Variants in SUPT20HL2 observed in about 807,000 individuals in gnomAD.
SUPT20HL2 encodes the protein SUPT20H like 2.
For missense variants in SUPT20HL2, 288 were observed against 127.4 expected (o/e 2.26, Z -6.07); for synonymous variants, 125 against 51.6 (o/e 2.42, Z -6.10).
In SUPT20HL2 at chrX:24,311,577, C is replaced by A; in HGVS notation, c.1739G>T (p.Gly580Val). The change falls in exon 1 of 1, where the codon GGC becomes GTC. Residue 580 changes from glycine to valine, a missense_variant. Physicochemically the swap from Gly to Val is moderately radical, Grantham distance 109. Transcript: ENST00000486479. ...CAAAACCTGGGCTCCCCGGACTGGGCCCTCCACGTTGGTGGCCTTTAGGCC... is the reference window on the plus strand; with the variant it reads ...CAAAACCTGGGCTCCCCGGACTGGGACCTCCACGTTGGTGGCCTTTAGGCC... ...STGLKATNVE[G>V]PVRGAQVLGC... 2.6e-6 allele frequency: 1 copy of A among 385,928 alleles called. No individual in the cohort carries two copies. Among genetic ancestry groups the A allele is most frequent in the Non-Finnish European group, 5.2e-6 (1 of 192,053 alleles). 31.8% of individuals were successfully genotyped at this position (385,928 alleles called of 1,213,427 possible).
Position 24,309,734 on chromosome X carries a change from T to TAAAAAAAAAAAAAAAAAAA in SUPT20HL2, c.*1127_*1128insTTTTTTTTTTTTTTTTTTT, listed in dbSNP as rs1429702092. 1.3e-4 allele frequency among the ~76,000 whole-genome samples: 2 copies of TAAAAAAAAAAAAAAAAAAA among 15,702 alleles called. No individual in the cohort carries two copies. The highest frequency in any genetic ancestry group is 1.9e-4 in the Non-Finnish European group (2 of 10,388). 13.6% of individuals were successfully genotyped at this position (15,702 alleles called of 115,157 possible). On this transcript the variant is annotated 3_prime_UTR_variant, in exon 1 of 1. Transcript: ENST00000486479. ...AAAAAAAAGAAAAAAATAATAAAAA[T>TAAAAAAAAAAAAAAAAAAA]AAAAAAAAAAAGAAAAAAAAAAAAA...
Position 24,311,224 on chromosome X carries a change from T to A in SUPT20HL2, c.2092A>T (p.Thr698Ser), listed in dbSNP as rs777976057. ...TGAGCAGGGAAGGCCTGCCCTTGCG[T>A]GCTCAAACCTAGTGTGGAACCCTGT... ...GPQGSTLGLS[T>S]QGQAFPAQQL... The change falls in exon 1 of 1, where the codon ACG (threonine) becomes TCG (serine). Residue 698 changes from threonine to serine, a missense_variant. Coordinates refer to ENST00000486479, the MANE Select transcript of SUPT20HL2 (RefSeq NM_001136233.3). 4 of 385,330 alleles carry A rather than the reference T, an allele frequency of 1.0e-5. No individual in the cohort carries two copies. The highest frequency in any genetic ancestry group is 2.1e-5 in the Non-Finnish European group (4 of 192,360). 31.8% of individuals were successfully genotyped at this position (385,330 alleles called of 1,213,427 possible). A position where few individuals can be genotyped will look rare whatever the true frequency, so the allele number is the denominator to read the frequency against.
rs745999881 is a variant in SUPT20HL2, at chrX:24,311,797, G to GAGCAGGAGCAGCAGCAGCTAC, written c.1498_1518dup (p.Val500_Ala506dup). 4 of 335,679 alleles carry GAGCAGGAGCAGCAGCAGCTAC rather than the reference G, an allele frequency of 1.2e-5. No homozygotes were observed. The highest frequency in any genetic ancestry group is 2.6e-5 in the African/African-American group (1 of 37,984). 27.7% of individuals were successfully genotyped at this position (335,679 alleles called of 1,213,427 possible). On this transcript the variant is annotated inframe_insertion, in exon 1 of 1. Transcript: ENST00000486479. ...GGAGCAGCAGCAGGAGCAGGAGCAG[G>GAGCAGGAGCAGCAGCAGCTAC]AGCAGGAGCAGCAGCAGCTACAGCA...
rs748975788 is a variant in SUPT20HL2 at position 24,312,716 on chromosome X, C to G, written c.600G>C (p.Leu200=). The G allele has an allele frequency of 1.0e-5, 4 of 385,125 alleles. No individual in the cohort carries two copies. The highest frequency in any genetic ancestry group is 7.6e-5 in the Admixed American group (3 of 39,216). The allele number at this position is 385,125 out of a possible 1,213,427, so 31.7% of individuals were successfully genotyped here. ...ACAGTGGTTCAGCTGTCGCTAAGAT[C>G]AGTTGACTCTCAAGAGGAAATTTGT... is the stretch of plus-strand genomic sequence containing the variant. ...QEDKFPLESQ[L]ILATAEPLCL... Residue 200 remains leucine (L), a synonymous_variant, in exon 1 of 1, where the codon CTG becomes CTC. Coordinates refer to ENST00000486479, the MANE Select transcript of SUPT20HL2 (RefSeq NM_001136233.3).
In SUPT20HL2 at chrX:24,309,762, AAAAAAAAC is replaced by A; in HGVS notation, c.*1092_*1099del. ...AAAAAAAAAGAAAAAAAAAAAAAAA[AAAAAAAAC>A]ATCCAAAAAGAGCCTTTTCAAAGCC... On this transcript the variant is annotated 3_prime_UTR_variant, in exon 1 of 1. Transcript: ENST00000486479. Among the ~76,000 whole-genome samples the A allele has an allele frequency of 1.1e-5, 1 of 93,812 alleles. No homozygotes were observed. Among genetic ancestry groups the A allele is most frequent in the African/African-American group, 3.9e-5 (1 of 25,706 alleles). 81.5% of individuals were successfully genotyped at this position (93,812 alleles called of 115,157 possible).
At position 24,311,137 on chromosome X, in the gene SUPT20HL2, C is replaced by T. The variant is rs1447163435; in HGVS notation, c.2179G>A (p.Ala727Thr). The T allele has an allele frequency of 2.7e-6, 1 of 372,689 alleles. No homozygotes were observed. Among genetic ancestry groups the T allele is most frequent in the East Asian group, 7.8e-5 (1 of 12,785 alleles). The allele number at this position is 372,689 out of a possible 1,213,427, so 30.7% of individuals were successfully genotyped here. The change falls in exon 1 of 1, where the codon GCT becomes ACT. Residue 727 changes from alanine (A) to threonine (T), a missense_variant. Ala to Thr is a moderately conservative substitution (Grantham distance 58). Transcript: ENST00000486479. ...GCAGAGCCAAGCAGACTCAACACAG[C>T]AGCCTGGGGCTGGGGCTGCAGACCA... is the stretch of plus-strand genomic sequence containing the variant. Reference protein sequence around the residue: ...GSGLQPQPQAAVLSLLGSAQV... With the variant: ...GSGLQPQPQATVLSLLGSAQV...
Position 24,310,387 on chromosome X carries a change from T to C in SUPT20HL2, c.*475A>G, listed in dbSNP as rs1939112067. ...ACAACCGTGGGGGTGGACTTAATACTATTGCACTGGGCACTTAAAATAGTG... is the reference window on the plus strand; with the variant it reads ...ACAACCGTGGGGGTGGACTTAATACCATTGCACTGGGCACTTAAAATAGTG... On this transcript the variant is annotated 3_prime_UTR_variant, in exon 1 of 1. Transcript: ENST00000486479. Among the ~76,000 whole-genome samples the C allele has an allele frequency of 8.9e-6, 1 of 112,333 alleles. No individual in the cohort carries two copies. Among genetic ancestry groups the C allele is most frequent in the African/African-American group, 3.2e-5 (1 of 30,905 alleles).
rs1415514465 is a variant in SUPT20HL2, at chrX:24,310,239, T to C, written c.*623A>G. Reference sequence around the variant, plus strand: ...TTCCACTTCCATGAAATGGCCAGGGTAGTCAACTCATAGAGAAAGAAAGTA... The same window carrying C: ...TTCCACTTCCATGAAATGGCCAGGGCAGTCAACTCATAGAGAAAGAAAGTA... On this transcript the variant is annotated 3_prime_UTR_variant, in exon 1 of 1. Coordinates refer to ENST00000486479, the MANE Select transcript of SUPT20HL2 (RefSeq NM_001136233.3). 9.0e-6 allele frequency among the ~76,000 whole-genome samples: 1 copy of C among 110,773 alleles called. No homozygotes were observed. Among genetic ancestry groups the C allele is most frequent in the Non-Finnish European group, 1.9e-5 (1 of 52,949 alleles).
At position 24,309,818 on chromosome X, in the gene SUPT20HL2, G is replaced by A. The variant is rs1372675096; in HGVS notation, c.*1044C>T. Among the ~76,000 whole-genome samples, 1 of 96,782 alleles carries A rather than the reference G, an allele frequency of 1.0e-5. No individual in the cohort carries two copies. Among genetic ancestry groups the A allele is most frequent in the African/African-American group, 3.9e-5 (1 of 25,794 alleles). The allele number at this position is 96,782 out of a possible 115,157, so 84.0% of individuals were successfully genotyped here. The stretch of plus-strand genomic sequence containing the variant: ...GCCAGTGAGAAAGCCTTGCTCTGTG[G>A]AGCACTAGGTGCAGACAGGGCCTTT... On this transcript the variant is annotated 3_prime_UTR_variant, in exon 1 of 1. Coordinates refer to ENST00000486479, the MANE Select transcript of SUPT20HL2 (RefSeq NM_001136233.3).
At position 24,313,328 on chromosome X, in the gene SUPT20HL2, C is replaced by T. The variant is rs781187767; in HGVS notation, c.-13G>A. 7 of 365,813 alleles carry T rather than the reference C, an allele frequency of 1.9e-5. No individual in the cohort carries two copies. The highest frequency in any genetic ancestry group is 2.7e-5 in the Admixed American group (1 of 36,437). 30.1% of individuals were successfully genotyped at this position (365,813 alleles called of 1,213,427 possible). A position where few individuals can be genotyped will look rare whatever the true frequency, so the allele number is the denominator to read the frequency against. Reference sequence around the variant, plus strand: ...AATCTCGATCCATTGTAACAGAAAACAGGGCCCCTAAGAGGAGAGAAAACG... The same window carrying T: ...AATCTCGATCCATTGTAACAGAAAATAGGGCCCCTAAGAGGAGAGAAAACG... On this transcript the variant is annotated 5_prime_UTR_variant, in exon 1 of 1. Transcript: ENST00000486479.
In SUPT20HL2 at chrX:24,311,342, C is replaced by T. The variant is rs750601612; in HGVS notation, c.1974G>A (p.Ala658=). The change falls in exon 1 of 1, where the codon GCG becomes GCA. Residue 658 remains alanine (A), a synonymous_variant. Coordinates refer to ENST00000486479, the MANE Select transcript of SUPT20HL2 (RefSeq NM_001136233.3). ...PLTLQVPQGW[A]VLTGPQQQSH... Reference sequence around the variant, plus strand: ...ACTGCTGCTGCGGGCCGGTCAGAACCGCCCAGCCCTGCGGAACCTGGAGTG... The same window carrying T: ...ACTGCTGCTGCGGGCCGGTCAGAACTGCCCAGCCCTGCGGAACCTGGAGTG... 13 of 386,423 alleles carry T rather than the reference C, an allele frequency of 3.4e-5. No individual in the cohort carries two copies. Among genetic ancestry groups the T allele is most frequent in the African/African-American group, 1.8e-4 (7 of 39,561 alleles). The allele number at this position is 386,423 out of a possible 1,213,427, so 31.8% of individuals were successfully genotyped here. A position where few individuals can be genotyped will look rare whatever the true frequency, so the allele number is the denominator to read the frequency against.
Position 24,311,278 on chromosome X carries a change from T to C in SUPT20HL2, c.2038A>G (p.Thr680Ala). 1 of 387,300 alleles carries C rather than the reference T, an allele frequency of 2.6e-6. No individual in the cohort carries two copies. Among genetic ancestry groups the C allele is most frequent in the South Asian group, 2.3e-5 (1 of 42,799 alleles). The allele number at this position is 387,300 out of a possible 1,213,427, so 31.9% of individuals were successfully genotyped here. The stretch of plus-strand genomic sequence containing the variant: ...CCTGGCTGAGGAGGGTGAGCAGCTG[T>C]GGGCTGCTGGAGCTGCTGCAGGGAA... Reference protein sequence around the residue: ...LVSLQQLQQPTAAHPPQPGPQ... With the variant: ...LVSLQQLQQPAAAHPPQPGPQ... Residue 680 changes from threonine to alanine, a missense_variant, in exon 1 of 1, where the codon ACA becomes GCA. Thr to Ala is a moderately conservative substitution (Grantham distance 58, BLOSUM62 0). Transcript: ENST00000486479.
Position 24,311,776 on chromosome X carries a change from C to CAGCAGCAGGAGCAGGAGCAGGAGCAGG in SUPT20HL2, c.1513_1539dup (p.Pro505_Ala513dup), listed in dbSNP as rs1425291653. The CAGCAGCAGGAGCAGGAGCAGGAGCAGG allele has an allele frequency of 8.9e-6, 3 of 336,686 alleles. No homozygotes were observed. The highest frequency in any genetic ancestry group is 5.4e-5 in the African/African-American group (2 of 37,105). 27.7% of individuals were successfully genotyped at this position (336,686 alleles called of 1,213,427 possible). A position where few individuals can be genotyped will look rare whatever the true frequency, so the allele number is the denominator to read the frequency against. On this transcript the variant is annotated inframe_insertion, in exon 1 of 1. Transcript: ENST00000486479. Reference sequence around the variant, plus strand: ...ACAGCAGCAGCAGCTAAAGCAGGAGCAGCAGCAGGAGCAGGAGCAGGAGCA... The same window carrying CAGCAGCAGGAGCAGGAGCAGGAGCAGG: ...ACAGCAGCAGCAGCTAAAGCAGGAGCAGCAGCAGGAGCAGGAGCAGGAGCAGGAGCAGCAGGAGCAGGAGCAGGAGCA...
At position 24,309,920 on chromosome X, in the gene SUPT20HL2, C is replaced by A. The variant is rs72620480; in HGVS notation, c.*942G>T. ...CAGCTTTAGAGGTCTCCCATGTATTCAATCGCAGTGTGACAAGCATCACTG... is the reference window on the plus strand; with the variant it reads ...CAGCTTTAGAGGTCTCCCATGTATTAAATCGCAGTGTGACAAGCATCACTG... On this transcript the variant is annotated 3_prime_UTR_variant, in exon 1 of 1. Coordinates refer to ENST00000486479, the MANE Select transcript of SUPT20HL2 (RefSeq NM_001136233.3). Among the ~76,000 whole-genome samples the A allele has an allele frequency of 1.3e-3, 146 of 109,296 alleles. 3 individuals are homozygous for A. The East Asian group carries it at 0.032, about 24-fold the overall frequency. 94.9% of individuals were successfully genotyped at this position (109,296 alleles called of 115,157 possible). A position where few individuals can be genotyped will look rare whatever the true frequency, so the allele number is the denominator to read the frequency against.
rs1403706610 is a variant in SUPT20HL2, at chrX:24,312,579, G to C, written c.737C>G (p.Ser246Cys). 5.2e-6 allele frequency: 2 copies of C among 387,417 alleles called. No individual in the cohort carries two copies. The highest frequency in any genetic ancestry group is 4.7e-5 in the South Asian group (2 of 42,827). The allele number at this position is 387,417 out of a possible 1,213,427, so 31.9% of individuals were successfully genotyped here. ...AGACTGCTCCTGCTGTGGCTTTACA[G>C]AGGGCCACGAATACCTCTGGAGGCA... ...EQCLQRYSWP[S>C]VKPQQEQSDC... Residue 246 changes from serine (S) to cysteine (C), a missense_variant, in exon 1 of 1, where the codon TCT becomes TGT. By Grantham distance (112) the Ser-to-Cys change is moderately radical. Transcript: ENST00000486479.
chrX:24,309,284 G>T lies in SUPT20HL2; in HGVS notation c.*1578C>A, dbSNP rs1449230845. Among the ~76,000 whole-genome samples the T allele has an allele frequency of 9.0e-6, 1 of 111,208 alleles. No individual in the cohort carries two copies. Among genetic ancestry groups the T allele is most frequent in the Non-Finnish European group, 1.9e-5 (1 of 52,625 alleles). On this transcript the variant is annotated 3_prime_UTR_variant, in exon 1 of 1. Transcript: ENST00000486479. ...GTTCATGGTTCTTTGAGTCTCACTG[G>T]AACAAGGGAAAAAATGAGGGAGCAG...
Position 24,312,777 on chromosome X carries a change from G to A in SUPT20HL2, c.539C>T (p.Thr180Met), listed in dbSNP as rs763336002. The change falls in exon 1 of 1, where the codon ACG (threonine) becomes ATG (methionine). Residue 180 changes from threonine to methionine, a missense_variant. Coordinates refer to ENST00000486479, the MANE Select transcript of SUPT20HL2 (RefSeq NM_001136233.3). ...TMQTLAPEVK[T>M]MTRDGEKWSQ... ...CCATTTCTCGCCATCTCTTGTCATC[G>A]TCTTCACCTCAGGGGCTAAAGTCTG... 1.8e-5 allele frequency: 7 copies of A among 384,933 alleles called. No homozygotes were observed. The highest frequency in any genetic ancestry group is 7.7e-5 in the Admixed American group (3 of 39,194). 31.7% of individuals were successfully genotyped at this position (384,933 alleles called of 1,213,427 possible).
rs1157065397 is a variant in SUPT20HL2 at position 24,309,705 on chromosome X, TA to T, written c.*1156del. On this transcript the variant is annotated 3_prime_UTR_variant, in exon 1 of 1. Transcript: ENST00000486479. ...AAAAAAAAAAATTAAAAAAAAAAAT[TA>T]AAAAAAAAAAGAAAAAAATAATAAA... Among the ~76,000 whole-genome samples the T allele has an allele frequency of 0.048, 871 of 18,002 alleles. 73 individuals carry two copies. The highest frequency in any genetic ancestry group is 0.2 in the African/African-American group (766 of 3,770). The allele number at this position is 18,002 out of a possible 115,157, so 15.6% of individuals were successfully genotyped here.
In SUPT20HL2 at chrX:24,309,914, T is replaced by C. The variant is rs1234703816; in HGVS notation, c.*948A>G. Among the ~76,000 whole-genome samples, 1 of 109,615 alleles carries C rather than the reference T, an allele frequency of 9.1e-6. No homozygotes were observed. Among genetic ancestry groups the C allele is most frequent in the Non-Finnish European group, 1.9e-5 (1 of 52,581 alleles). On this transcript the variant is annotated 3_prime_UTR_variant, in exon 1 of 1. Coordinates refer to ENST00000486479, the MANE Select transcript of SUPT20HL2 (RefSeq NM_001136233.3). ...ATTCCACAGCTTTAGAGGTCTCCCA[T>C]GTATTCAATCGCAGTGTGACAAGCA... is the stretch of plus-strand genomic sequence containing the variant.
Sources: allele counts gnomAD v4.1 joint callset (sites outside exome capture counted in the v4.1 genomes callset), GRCh38; gene constraint gnomAD v4.1.1; transcripts MANE v1.5; gene names NCBI Gene and HGNC (gene_info 2026-07-23, HGNC 2026-07-21).